NRG1: variants seen among roughly 807,000 people sequenced by gnomAD.
NRG1 encodes the protein pro-neuregulin-1, membrane-bound isoform.
NRG1 carries 18 observed loss-of-function variants against 63.8 expected under a neutral mutation model. The ratio of observed to expected loss-of-function variants is 0.28; its 90% confidence interval spans 0.19 to 0.42. The LOEUF (loss-of-function observed/expected upper bound fraction) is 0.42. Among genes scored for constraint, NRG1 ranks in the 10% least tolerant of loss-of-function variants. The pLI is 1.00. For missense variants in NRG1, 762 were observed against 814.7 expected (o/e 0.94, Z 0.79); for synonymous variants, 302 against 301.3 (o/e 1.00, Z -0.02).
intron 1 of NRG1, among the ~76,000 whole-genome samples, chr8:32,215,562 T>C (rs893490768): frequency 1.3e-5 from 2 of 152,188 alleles, no homozygotes; most frequent in African/African-American, 4.8e-5. Context: ...AGGAAATGCC[T>C]CAGAGAGGTT....
At chr8:32,527,187 C>T (rs1301945451) in intron 1 of NRG1, among the ~76,000 whole-genome samples, 11 of 152,156 alleles carry the variant, frequency 7.2e-5, no homozygotes, top group Admixed American at 7.2e-4. Flanking sequence ...GATACCCCCA[C>T]TTATATGTTT....
intron 1 of NRG1, among the ~76,000 whole-genome samples, chr8:32,270,775 A>G (rs1851459622): frequency 1.3e-5 from 2 of 152,204 alleles, no homozygotes; most frequent in Non-Finnish European, 2.9e-5. Flanking sequence ...TGTTGAGAAC[A>G]TTGACACCAC....
intron 1 of NRG1, among the ~76,000 whole-genome samples, chr8:32,469,815 A>G (rs1446597510): frequency 6.6e-6 from 1 of 152,172 alleles, no homozygotes; most frequent in Non-Finnish European, 1.5e-5. Flanking sequence ...AGATCAAAGA[A>G]TATTGGGAAA....
At chr8:32,079,301 A>T (rs557710814) in intron 1 of NRG1, among the ~76,000 whole-genome samples, 1 of 152,286 alleles carries the variant, frequency 6.6e-6, no homozygotes, top group African/African-American at 2.4e-5. Context: ...GATAAAGCAG[A>T]TATTATAATT....
chr8:32,548,015 C>T (rs1306388238), upstream of NRG1, among the ~76,000 whole-genome samples: 2 of 152,108 alleles, frequency 1.3e-5, no homozygotes, highest in Non-Finnish European at 2.9e-5. Context: ...GTTCCCGGGT[C>T]TCCGGGGCGC....
intron 5 of NRG1, among the ~76,000 whole-genome samples, chr8:32,687,586 G>A (rs1263716109): frequency 6.6e-6 from 1 of 152,178 alleles, no homozygotes; most frequent in Non-Finnish European, 1.5e-5. Flanking sequence ...GCTCCTCCCA[G>A]GCAGGGACCC....
At chr8:32,635,228 A>G (rs1040555458) in intron 5 of NRG1, among the ~76,000 whole-genome samples, 1 of 152,220 alleles carries the variant, frequency 6.6e-6, no homozygotes, top group African/African-American at 2.4e-5. Context: ...ACCCCAGCAC[A>G]ATGCCTGTCA....
At chr8:32,771,083 G>A (rs745970626), downstream of NRG1, among the ~76,000 whole-genome samples, 1 of 151,872 alleles carries the variant, frequency 6.6e-6, no homozygotes, top group Non-Finnish European at 1.5e-5. Context: ...ATTTAACTTT[G>A]TAGCTTTGAT....
At chr8:32,584,216 G>A (rs1448915491) in intron 1 of NRG1, among the ~76,000 whole-genome samples, 3 of 152,134 alleles carry the variant, frequency 2.0e-5, no homozygotes, top group Non-Finnish European at 2.9e-5. Context: ...GAATAATGTA[G>A]CACCAGGTTT....
chr8:31,752,618 G>A lies in NRG1; in HGVS notation c.37+113187G>A, dbSNP rs143354567. On this transcript the variant is annotated intron_variant, in intron 1 of 10. Transcript: ENST00000519301. Reference sequence around the variant, plus strand: ...TATATTTTGAAGTCACAGCCGTTGGGATTTGCCAATGGATTGAAAATCGGG... The same window carrying A: ...TATATTTTGAAGTCACAGCCGTTGGAATTTGCCAATGGATTGAAAATCGGG... Among the ~76,000 whole-genome samples the A allele has an allele frequency of 1.6e-4, 25 of 152,160 alleles. No homozygotes were observed. In the Middle Eastern group the frequency reaches 0.02, roughly 124 times the overall value.
intron 1 of NRG1, among the ~76,000 whole-genome samples, chr8:32,100,932 G>A (rs1830491775): frequency 6.6e-6 from 1 of 152,120 alleles, no homozygotes; most frequent in Non-Finnish European, 1.5e-5. Flanking sequence ...CTCTGTAATT[G>A]CATCAAATGA....
Position 31,640,757 on chromosome 8 carries a change from A to C in NRG1, c.37+1326A>C. The C allele has an allele frequency of 6.8e-7, 1 of 1,475,092 alleles. No individual in the cohort carries two copies. The allele number at this position is 1,475,092 out of a possible 1,614,324, so 91.4% of individuals were successfully genotyped here. A position where few individuals can be genotyped will look rare whatever the true frequency, so the allele number is the denominator to read the frequency against. ...AAGTTCCTCGCCCTTGGGGGCGCGA[A>C]CCCGCGGCGAGGAGGGCGCATCCCG... On this transcript the variant is annotated intron_variant, in intron 1 of 10. Transcript: ENST00000519301. This position sits in a 1 kb window ranked among gnomAD's most constrained non-coding sequence, Gnocchi z 6.3.
intron 1 of NRG1, among the ~76,000 whole-genome samples, chr8:31,713,338 G>T (rs975859388): frequency 6.6e-6 from 1 of 151,698 alleles, no homozygotes; most frequent in Admixed American, 6.6e-5. Context: ...GGATGGTCTC[G>T]ATCTCCTGAC....
intron 1 of NRG1, among the ~76,000 whole-genome samples, chr8:32,058,826 C>T (rs993366774): frequency 4.6e-5 from 7 of 152,102 alleles, no homozygotes; most frequent in South Asian, 2.1e-4. Flanking sequence ...TTATTCCCCA[C>T]GAGATGAAAT....
intron 1 of NRG1, among the ~76,000 whole-genome samples, chr8:31,861,598 A>T (rs984393709): frequency 6.6e-6 from 1 of 152,154 alleles, no homozygotes; most frequent in Non-Finnish European, 1.5e-5. Flanking sequence ...AGTCAGCTGG[A>T]AGTATAATCT....
intron 1 of NRG1, among the ~76,000 whole-genome samples, chr8:32,357,676 T>A (rs866768839): frequency 3.3e-5 from 5 of 152,234 alleles, no homozygotes; most frequent in Admixed American, 6.5e-5. Context: ...GTAAAATGTG[T>A]TAATTCGCTT....
intron 1 of NRG1, among the ~76,000 whole-genome samples, chr8:32,423,011 G>A (rs1816886983): frequency 6.6e-6 from 1 of 152,182 alleles, no homozygotes; most frequent in Admixed American, 6.5e-5. Context: ...GATGCCCCCA[G>A]TGACCCAGTA....
intron 1 of NRG1, among the ~76,000 whole-genome samples, chr8:32,046,305 T>C (rs2130750859): frequency 6.6e-6 from 1 of 152,168 alleles, no homozygotes; most frequent in South Asian, 2.1e-4. Context: ...TACCAACTGC[T>C]GGTAAGGATG....
chr8:31,954,147 T>A (rs1803968928), intron 1 of NRG1, among the ~76,000 whole-genome samples: 1 of 152,134 alleles, frequency 6.6e-6, no homozygotes, highest in African/African-American at 2.4e-5. Context: ...CTATACCCCA[T>A]CTTTTGTTGC....
Sources: allele counts gnomAD v4.1 joint callset (sites outside exome capture counted in the v4.1 genomes callset), GRCh38; gene constraint gnomAD v4.1.1; non-coding constraint Gnocchi (gnomAD v3.1); transcripts MANE v1.5; gene names NCBI Gene and HGNC (gene_info 2026-07-23, HGNC 2026-07-21).